Variants in PKP2 observed in about 807,000 individuals in gnomAD.
The protein encoded by PKP2 is plakophilin 2.
A neutral mutation model predicts 83.4 loss-of-function variants in PKP2; 73 were observed. The ratio of observed to expected loss-of-function variants is 0.88; its 90% CI spans 0.72 to 1.06. The LOEUF (loss-of-function observed/expected upper bound fraction) is 1.06. Ranked by LOEUF, PKP2 falls within the 50% of genes least tolerant of loss-of-function variation. The pLI is 0.00. For synonymous variants in PKP2, 409 were observed against 430.4 expected (o/e 0.95, Z 0.62); for missense variants, 966 against 1,065.4 (o/e 0.91, Z 1.30).
intron 1 of PKP2, among the ~76,000 whole-genome samples, chr12:32,888,052 TAC>T (rs1957045544): frequency 6.6e-6 from 1 of 152,074 alleles, no homozygotes; most frequent in African/African-American, 2.4e-5. Flanking sequence ...TGTGGTGGCG[TAC>T]ACCTGTAGTC....
chr12:32,858,761 A>G (rs1055866105), intron 4 of PKP2, among the ~76,000 whole-genome samples: 1 of 152,246 alleles, frequency 6.6e-6, no homozygotes, highest in Non-Finnish European at 1.5e-5. Flanking sequence ...AGTCATTAAG[A>G]AAGAGATATA....
chr12:32,858,084 A>AAAAATAT (rs1233128620), intron 4 of PKP2, among the ~76,000 whole-genome samples: 1 of 67,026 alleles, frequency 1.5e-5, no homozygotes, highest in East Asian at 4.8e-4. Context: ...AAAAAAAAAA[A>AAAAATAT]ATATATATAT....
At chr12:32,839,642 A>G (rs1956571729) in intron 6 of PKP2, among the ~76,000 whole-genome samples, 1 of 152,134 alleles carries the variant, frequency 6.6e-6, no homozygotes, top group East Asian at 1.9e-4. Flanking sequence ...ATGAATTCCG[A>G]CTTGTTTCAG....
At position 32,802,420 on chromosome 12, in the gene PKP2, G is replaced by C; in HGVS notation, c.2150C>G (p.Ser717Cys). The change falls in exon 10 of 13, where the codon TCT becomes TGT. Residue 717 changes from serine (S) to cysteine (C), a missense_variant. Transcript: ENST00000340811. ...SLLRNLSRNL[S>C]LQNEIAKETL... The stretch of plus-strand genomic sequence containing the variant: ...CGACTCACCAATTTCATTCTGCAGA[G>C]AAAGATTCCGGGACAGATTCCTCAG... The C allele has an allele frequency of 6.2e-7, 1 of 1,614,066 alleles. No homozygotes were observed. Among genetic ancestry groups the C allele is most frequent in the Non-Finnish European group, 8.5e-7 (1 of 1,179,986 alleles).
chr12:32,797,445 CAAA>C (rs548021913), intron 10 of PKP2, among the ~76,000 whole-genome samples: 2 of 67,146 alleles, frequency 3.0e-5, no homozygotes, highest in Admixed American at 2.0e-4. Context: ...GACCCTGTCT[CAAA>C]AAAAAAAAAA....
chr12:32,797,025 T>G (rs1956132253), intron 10 of PKP2, among the ~76,000 whole-genome samples: 1 of 152,096 alleles, frequency 6.6e-6, no homozygotes, highest in African/African-American at 2.4e-5. Context: ...TATGATTAAC[T>G]AAAACACACC....
chr12:32,885,618 T>C (rs1207136500), intron 1 of PKP2, among the ~76,000 whole-genome samples: 1 of 151,872 alleles, frequency 6.6e-6, no homozygotes, highest in African/African-American at 2.4e-5. Flanking sequence ...GAGGTGAGAC[T>C]GTGCCACTGC....
chr12:32,797,408 T>C (rs1047071573), intron 10 of PKP2, among the ~76,000 whole-genome samples: 65 of 117,444 alleles, frequency 5.5e-4, no homozygotes, highest in African/African-American at 2.0e-3. Context: ...ATCACGCCAC[T>C]ATTCTCCAGC....
chr12:32,879,253 C>A (rs1387861316), intron 1 of PKP2, among the ~76,000 whole-genome samples: 1 of 152,236 alleles, frequency 6.6e-6, no homozygotes, highest in East Asian at 1.9e-4. Context: ...AGTTTTTCAG[C>A]TGGGTGTGGT....
intron 6 of PKP2, among the ~76,000 whole-genome samples, chr12:32,829,998 T>C (rs892117781): frequency 3.3e-5 from 5 of 152,292 alleles, no homozygotes; most frequent in South Asian, 2.1e-4. Flanking sequence ...CACTCTGAGA[T>C]AGTGATCACC....
At chr12:32,817,376 G>T (rs988693449) in intron 9 of PKP2, among the ~76,000 whole-genome samples, 1 of 152,224 alleles carries the variant, frequency 6.6e-6, no homozygotes, top group African/African-American at 2.4e-5. Flanking sequence ...CCATGGGAAA[G>T]AATTTATAAC....
chr12:32,815,195 C>A (rs1277813481), intron 9 of PKP2, among the ~76,000 whole-genome samples: 1 of 152,142 alleles, frequency 6.6e-6, no homozygotes, highest in Non-Finnish European at 1.5e-5. Context: ...ACCAGAATCA[C>A]CCTTGTAAAA....
chr12:32,893,995 C>G (rs910751057), intron 1 of PKP2: 7 of 145,868 alleles, frequency 4.8e-5, no homozygotes, highest in African/African-American at 1.8e-4. Context: ...TCTCCGCTCA[C>G]TGCAACTTCT....
At chr12:32,843,326 A>G (rs750893005) in intron 5 of PKP2, 1 of 1,365,176 alleles carries the variant, frequency 7.3e-7, no homozygotes, top group Admixed American at 1.9e-5. Context: ...GTACAAAGGA[A>G]AGAGGAAGCA....
chr12:32,825,709 C>G (rs1274722239), intron 6 of PKP2, among the ~76,000 whole-genome samples: 1 of 152,018 alleles, frequency 6.6e-6, no homozygotes, highest in Non-Finnish European at 1.5e-5. Context: ...TTAAGACCAG[C>G]CTGGGCAACA....
chr12:32,886,090 G>A (rs1252428646), intron 1 of PKP2, among the ~76,000 whole-genome samples: 1 of 152,150 alleles, frequency 6.6e-6, no homozygotes, highest in Non-Finnish European at 1.5e-5. Context: ...GCAGGTGTTC[G>A]CTATTAGTAT....
chr12:32,857,361 G>A (rs1211044405), intron 4 of PKP2, among the ~76,000 whole-genome samples: 1 of 152,104 alleles, frequency 6.6e-6, no homozygotes, highest in Non-Finnish European at 1.5e-5. Flanking sequence ...AGAAGGTTGA[G>A]GCTGCAGTGA....
At chr12:32,885,704 T>G (rs557527475) in intron 1 of PKP2, among the ~76,000 whole-genome samples, 6 of 151,798 alleles carry the variant, frequency 4.0e-5, no homozygotes, top group African/African-American at 1.4e-4. Context: ...ATAATCACAG[T>G]TTTGTGAACA....
intron 3 of PKP2, 118 bp downstream of exon 3, chr12:32,877,728 A>C: frequency 1.3e-6 from 1 of 797,064 alleles, no homozygotes; most frequent in Admixed American, 2.0e-5. Context: ...CATTATTTTA[A>C]TCACTTATCT....
Sources: allele counts gnomAD v4.1 joint callset (sites outside exome capture counted in the v4.1 genomes callset), GRCh38; gene constraint gnomAD v4.1.1; transcripts MANE v1.5; gene names NCBI Gene and HGNC (gene_info 2026-07-23, HGNC 2026-07-21).